The following SHQ1 variants were observed in gnomAD, a reference collection of about 807,000 sequenced individuals.
SHQ1 encodes protein SHQ1 homolog.
A neutral mutation model predicts 53.8 loss-of-function variants in SHQ1; 49 were observed. That is an observed-to-expected ratio of 0.91 (90% CI 0.72 to 1.16). The LOEUF is 1.16. Ranked by LOEUF, SHQ1 falls within the 50% of genes most tolerant of loss-of-function variation. The pLI, the probability that SHQ1 is intolerant of heterozygous loss-of-function variation, is 0.00. For synonymous variants in SHQ1, 243 were observed against 251.0 expected (o/e 0.97, Z 0.30); for missense variants, 738 against 683.1 (o/e 1.08, Z -0.90).
At chr3:72,794,074 G>C (rs1575698260) in intron 9 of SHQ1, 1 of 152,174 alleles carries the variant, frequency 6.6e-6, no homozygotes, top group Admixed American at 6.5e-5. Context: ...TACATCTAGA[G>C]TAGTACCATT....
intron 9 of SHQ1, among the ~76,000 whole-genome samples, chr3:72,796,958 C>T (rs901875494): frequency 7.3e-6 from 1 of 136,750 alleles, no homozygotes; most frequent in African/African-American, 2.8e-5. Context: ...AAGACTAATA[C>T]TCATTTAAAA....
the SHQ1 span, among the ~76,000 whole-genome samples, chr3:72,734,109 G>A: frequency 5.3e-5 from 8 of 151,020 alleles, no homozygotes; most frequent in East Asian, 1.9e-4. Flanking sequence ...GCAGTGAGCC[G>A]AGATCTTGCC....
chr3:72,729,179 G>A, the SHQ1 span, among the ~76,000 whole-genome samples: 1 of 152,206 alleles, frequency 6.6e-6, no homozygotes, highest in Non-Finnish European at 1.5e-5. Flanking sequence ...TGTGTGCCAG[G>A]AGCATAAATA....
intron 5 of SHQ1, among the ~76,000 whole-genome samples, chr3:72,824,858 G>A (rs531793518): frequency 3.3e-5 from 5 of 150,016 alleles, no homozygotes; most frequent in African/African-American, 1.2e-4. Flanking sequence ...GAGTACAGTA[G>A]TAACATAATC....
chr3:72,763,062 C>CACACACTGAG (rs1315245242), intron 10 of SHQ1, among the ~76,000 whole-genome samples: 3 of 76,200 alleles, frequency 3.9e-5, no homozygotes, highest in African/African-American at 1.2e-4. Flanking sequence ...CACACACACA[C>CACACACTGAG]AGAGAGAGAG....
At chr3:72,725,501 G>T in the SHQ1 span, among the ~76,000 whole-genome samples, 1 of 152,100 alleles carries the variant, frequency 6.6e-6, no homozygotes, top group Non-Finnish European at 1.5e-5. Context: ...TTTCCCAACC[G>T]CACATCCTGG....
At chr3:72,777,235 T>G (rs1161790951) in intron 10 of SHQ1, among the ~76,000 whole-genome samples, 1 of 152,172 alleles carries the variant, frequency 6.6e-6, no homozygotes, top group African/African-American at 2.4e-5. Flanking sequence ...CTTCTGTTTA[T>G]GAAAACACTA....
chr3:72,730,427 A>G, the SHQ1 span, among the ~76,000 whole-genome samples: 445 of 152,314 alleles, frequency 2.9e-3, 6 homozygotes, highest in African/African-American at 0.01. Flanking sequence ...AAATTCTTTA[A>G]AATGTATTTA....
the SHQ1 span, among the ~76,000 whole-genome samples, chr3:72,727,087 G>T: frequency 6.6e-6 from 1 of 152,262 alleles, no homozygotes; most frequent in African/African-American, 2.4e-5. Flanking sequence ...ACTGAAGTCT[G>T]CTATGTAGCC....
rs1212240077 is a variant in SHQ1, at chr3:72,802,703, C to T, written c.1061-9667G>A. Reference sequence around the variant, plus strand: ...TTCTTTAGTAACTACCATTATATATCACTCATTAGGTCTATGCTGTTTGCT... The same window carrying T: ...TTCTTTAGTAACTACCATTATATATTACTCATTAGGTCTATGCTGTTTGCT... On this transcript the variant is annotated intron_variant, in intron 9 of 10. Transcript: ENST00000325599. 2.0e-5 allele frequency among the ~76,000 whole-genome samples: 3 copies of T among 152,078 alleles called. No individual in the cohort carries two copies. In the East Asian group the frequency reaches 5.8e-4, roughly 29 times the overall value.
Position 72,848,319 on chromosome 3 carries a change from G to A in SHQ1, c.22C>T (p.Leu8Phe). 6.2e-7 allele frequency: 1 copy of A among 1,614,126 alleles called. No individual in the cohort carries two copies. The highest frequency in any genetic ancestry group is 1.1e-5 in the South Asian group (1 of 91,082). MLTPAFD[L>F]SQDPDFLTIA... Reference sequence around the variant, plus strand: ...GTCAGGAAGTCCGGATCCTGGCTGAGGTCGAACGCCGGGGTCAGCATCGCC... The same window carrying A: ...GTCAGGAAGTCCGGATCCTGGCTGAAGTCGAACGCCGGGGTCAGCATCGCC... Residue 8 changes from leucine (L) to phenylalanine (F), a missense_variant, in exon 1 of 11, where the codon CTC (leucine) becomes TTC (phenylalanine). By Grantham distance (22) the Leu-to-Phe change is conservative. Transcript: ENST00000325599.
intron 6 of SHQ1, among the ~76,000 whole-genome samples, chr3:72,822,760 T>C (rs1338184170): frequency 6.6e-6 from 1 of 152,218 alleles, no homozygotes; most frequent in Non-Finnish European, 1.5e-5. Context: ...CCTGAAAATT[T>C]GTCTATATAT....
chr3:72,815,507 A>G (rs1396867113), intron 7 of SHQ1, 104 bp from the exon 8 acceptor site: 1 of 845,154 alleles, frequency 1.2e-6, no homozygotes, highest in East Asian at 2.4e-5. Flanking sequence ...GATCACTGAC[A>G]TATGAGAACT....
At position 72,842,358 on chromosome 3, in the gene SHQ1, A is replaced by T; in HGVS notation, c.253T>A (p.Phe85Ile). The T allele has an allele frequency of 1.2e-6, 2 of 1,613,776 alleles. No individual in the cohort carries two copies. Among genetic ancestry groups the T allele is most frequent in the Non-Finnish European group, 1.7e-6 (2 of 1,179,810 alleles). ...GCAGTTAACATGTTCAGCCCCTCAA[A>T]ATGCTGGCCAGGGGTTTCTTTGGGC... ...RLPKETPGQHFEGLNMLTALL... is the reference protein window; with the variant it reads ...RLPKETPGQHIEGLNMLTALL... The change falls in exon 3 of 11, where the codon TTT becomes ATT. Residue 85 changes from phenylalanine (F) to isoleucine (I), a missense_variant. Phe to Ile is a conservative substitution (Grantham distance 21). Transcript: ENST00000325599.
chr3:72,751,502 G>GTATA (rs1469973919), intron 10 of SHQ1, among the ~76,000 whole-genome samples: 9 of 118,802 alleles, frequency 7.6e-5, no homozygotes, highest in African/African-American at 3.8e-4. Flanking sequence ...GTGTGTGTGT[G>GTATA]TGTGTGTATA....
At position 72,763,949 on chromosome 3, in the gene SHQ1, A is replaced by T. The variant is rs1705663844; in HGVS notation, c.1182-13113T>A. On this transcript the variant is annotated intron_variant, in intron 10 of 10. Coordinates refer to ENST00000325599, the MANE Select transcript of SHQ1 (RefSeq NM_018130.3). ...ATATAGAAGAACATCAGTGATGAAG[A>T]TCCTTACAGCAGAACAGAAATTAGA... is the stretch of plus-strand genomic sequence containing the variant. Among the ~76,000 whole-genome samples the T allele has an allele frequency of 2.6e-5, 4 of 152,086 alleles. No homozygotes were observed. The South Asian group carries it at 8.3e-4, about 31-fold the overall frequency.
intron 9 of SHQ1, chr3:72,793,237 G>A (rs1428061826): frequency 2.3e-6 from 1 of 430,570 alleles, no homozygotes; most frequent in South Asian, 2.9e-5. Context: ...GCCAGGCACA[G>A]TGGCTCACAC....
intron 5 of SHQ1, among the ~76,000 whole-genome samples, chr3:72,829,825 A>G (rs950724317): frequency 2.0e-5 from 3 of 152,216 alleles, no homozygotes; most frequent in Non-Finnish European, 4.4e-5. Context: ...CCAAAGAAAT[A>G]GGCAAGATTT....
At chr3:72,771,808 T>C (rs1201565546) in intron 10 of SHQ1, among the ~76,000 whole-genome samples, 1 of 152,226 alleles carries the variant, frequency 6.6e-6, no homozygotes, top group Non-Finnish European at 1.5e-5. Flanking sequence ...AGGCAGACAT[T>C]TGAAAAGAGA....
Sources: allele counts gnomAD v4.1 joint callset (sites outside exome capture counted in the v4.1 genomes callset), GRCh38; gene constraint gnomAD v4.1.1; transcripts MANE v1.5; gene names NCBI Gene and HGNC (gene_info 2026-07-23, HGNC 2026-07-21).